RIC1: variants seen among roughly 807,000 people sequenced by gnomAD.
The protein encoded by RIC1 is guanine nucleotide exchange factor subunit RIC1.
In RIC1, 88 loss-of-function variants were observed where a neutral mutation model predicts 169.0. The ratio of observed to expected loss-of-function variants is 0.52; its 90% CI spans 0.44 to 0.62. The LOEUF (loss-of-function observed/expected upper bound fraction) is 0.62, where lower values mean the gene tolerates loss of function less well. Among genes scored for constraint, RIC1 ranks in the 20% least tolerant of loss-of-function variants. The probability of loss-of-function intolerance (pLI) is 0.00; values close to 1 mark genes in which losing one functional copy is unlikely to be tolerated. For missense variants in RIC1, 1,877 were observed against 1,725.5 expected, an observed-to-expected ratio of 1.09 and a Z score of -1.56; for synonymous variants, 790 against 601.5, an observed-to-expected ratio of 1.31 and a Z score of -4.59.
At chr9:5,630,290 C>CT (rs1817657202) in intron 1 of RIC1, among the ~76,000 whole-genome samples, 1 of 152,202 alleles carries the variant, frequency 6.6e-6, no homozygotes, top group Non-Finnish European at 1.5e-5. Flanking sequence ...ACTGCTATAA[C>CT]TTTGTCTATG....
intron 17 of RIC1, among the ~76,000 whole-genome samples, chr9:5,760,752 TCCC>T (rs1438584922): frequency 6.6e-6 from 1 of 152,184 alleles, no homozygotes; most frequent in Non-Finnish European, 1.5e-5. Flanking sequence ...TTATACATAA[TCCC>T]CTGTAGAATC....
At chr9:5,634,230 A>G (rs1817862570) in intron 1 of RIC1, among the ~76,000 whole-genome samples, 1 of 152,238 alleles carries the variant, frequency 6.6e-6, no homozygotes, top group Non-Finnish European at 1.5e-5. Context: ...TACTGATTTC[A>G]ATTCCTTTGG....
Position 5,762,776 on chromosome 9 carries a change from C to T in RIC1, c.2112+116C>T, listed in dbSNP as rs142715155. The T allele has an allele frequency of 1.1e-5, 15 of 1,310,654 alleles. No homozygotes were observed. The African/African-American group carries it at 1.5e-4, about 13-fold the overall frequency. The allele number at this position is 1,310,654 out of a possible 1,614,324, so 81.2% of individuals were successfully genotyped here. The stretch of plus-strand genomic sequence containing the variant: ...ATGATTTGGAAAGGAGAAATTAAGT[C>T]CATAAAATCAGTCTTAAGCCTCTGG... On this transcript the variant is annotated intron_variant, in intron 18 of 25. Transcript: ENST00000414202.
intron 2 of RIC1, among the ~76,000 whole-genome samples, chr9:5,657,865 A>G (rs561483611): frequency 1.3e-5 from 2 of 152,266 alleles, no homozygotes; most frequent in East Asian, 1.9e-4. Context: ...AATATTTGCT[A>G]CAGTTGAAAA....
At chr9:5,637,821 A>T (rs1167483498) in intron 1 of RIC1, among the ~76,000 whole-genome samples, 1 of 152,170 alleles carries the variant, frequency 6.6e-6, no homozygotes, top group Non-Finnish European at 1.5e-5. Context: ...ATAGTACTCC[A>T]TTATGTGCAA....
chr9:5,726,186 C>CT (rs1274640021), intron 6 of RIC1, among the ~76,000 whole-genome samples: 1 of 152,136 alleles, frequency 6.6e-6, no homozygotes, highest in African/African-American at 2.4e-5. Context: ...GTGTGGGAGT[C>CT]TAAGTCTCTT....
intron 8 of RIC1, among the ~76,000 whole-genome samples, chr9:5,741,945 C>T (rs1825109282): frequency 6.6e-6 from 1 of 152,162 alleles, no homozygotes; most frequent in Admixed American, 6.6e-5. Context: ...TTTGCTTCCG[C>T]TGGTCACTTG....
intron 16 of RIC1, among the ~76,000 whole-genome samples, 183 bp downstream of exon 16, chr9:5,756,555 T>C (rs776026014): frequency 6.6e-6 from 1 of 152,142 alleles, no homozygotes; most frequent in African/African-American, 2.4e-5. Flanking sequence ...AAAAGAAATA[T>C]CGTACACTAA....
At chr9:5,773,114 C>T in intron 25 of RIC1, 34 bp downstream of exon 25, 6 of 1,457,256 alleles carry the variant, frequency 4.1e-6, no homozygotes, top group Non-Finnish European at 5.5e-6. Context: ...TGGTGTCCTT[C>T]CATGTCTTTT....
chr9:5,743,132 T>A, intron 9 of RIC1, 119 bp downstream of exon 9: 1 of 864,672 alleles, frequency 1.2e-6, no homozygotes, highest in East Asian at 2.6e-5. Context: ...TAAAACAATT[T>A]GCAAAGTTCA....
intron 2 of RIC1, among the ~76,000 whole-genome samples, chr9:5,668,436 A>G (rs534424260): frequency 3.2e-4 from 48 of 152,134 alleles, no homozygotes; most frequent in Non-Finnish European, 6.0e-4. Context: ...AATTTCTTGG[A>G]TTTGTATATT....
At chr9:5,649,861 A>G (rs978245175) in intron 1 of RIC1, among the ~76,000 whole-genome samples, 5 of 151,664 alleles carry the variant, frequency 3.3e-5, no homozygotes, top group East Asian at 3.9e-4. Context: ...CTGAAGATCT[A>G]TCCGTGGTGT....
At chr9:5,708,862 CAG>C (rs1164180538) in intron 3 of RIC1, among the ~76,000 whole-genome samples, 1 of 152,072 alleles carries the variant, frequency 6.6e-6, no homozygotes, top group Admixed American at 6.5e-5. Context: ...ATCATACAGA[CAG>C]GCGTTGGTAT....
At chr9:5,728,365 G>C (rs908021450) in intron 6 of RIC1, among the ~76,000 whole-genome samples, 2 of 152,242 alleles carry the variant, frequency 1.3e-5, no homozygotes, top group East Asian at 3.9e-4. Context: ...TAATCTCCTG[G>C]TGTGCTGTTT....
At chr9:5,778,069 C>CAAGT (rs1827678465), downstream of RIC1, among the ~76,000 whole-genome samples, 1 of 152,100 alleles carries the variant, frequency 6.6e-6, no homozygotes, top group African/African-American at 2.4e-5. Flanking sequence ...CCATATTAAG[C>CAAGT]CTTCCAGTCC....
chr9:5,725,769 C>G (rs1015630892), intron 6 of RIC1, among the ~76,000 whole-genome samples: 1 of 152,016 alleles, frequency 6.6e-6, no homozygotes, highest in South Asian at 2.1e-4. Flanking sequence ...TCTTTGTTCT[C>G]GTTGGTTTCA....
intron 3 of RIC1, among the ~76,000 whole-genome samples, chr9:5,703,520 C>T (rs114197699): frequency 6.6e-6 from 1 of 152,294 alleles, no homozygotes; most frequent in African/African-American, 2.4e-5. Flanking sequence ...ACATTTGTTT[C>T]TTGTCTGTGT....
chr9:5,767,492 T>C (rs1355859496), intron 21 of RIC1, among the ~76,000 whole-genome samples: 2 of 151,740 alleles, frequency 1.3e-5, no homozygotes, highest in African/African-American at 2.4e-5. Flanking sequence ...TTTTTTTTTT[T>C]CCCCAGGACA....
At chr9:5,631,886 A>T (rs1817732270) in intron 1 of RIC1, among the ~76,000 whole-genome samples, 1 of 152,132 alleles carries the variant, frequency 6.6e-6, no homozygotes, top group Non-Finnish European at 1.5e-5. Context: ...TAAGTTAATT[A>T]GGTTAACAAA....
Sources: gnomAD v4.1 joint callset for allele counts (sites outside exome capture counted in the v4.1 genomes callset) on GRCh38, gnomAD v4.1.1 for gene constraint, MANE v1.5 for transcripts, NCBI Gene and HGNC (gene_info 2026-07-23, HGNC 2026-07-21) for gene names.